The following KCNAB1 variants were observed in gnomAD, a reference collection of about 807,000 sequenced individuals.
The protein encoded by KCNAB1 is potassium voltage-gated channel subfamily A regulatory beta subunit 1, also known as voltage-gated potassium channel subunit beta-1.
In KCNAB1, 35 loss-of-function variants were observed where a neutral mutation model predicts 64.6. The observed-to-expected ratio is 0.54, with a 90% CI of 0.41 to 0.72. The LOEUF is 0.72. Among genes scored for constraint, KCNAB1 ranks in the 30% least tolerant of loss-of-function variants. The pLI is 0.00. For missense variants in KCNAB1, 401 were observed against 512.9 expected (o/e 0.78, Z 2.11); for synonymous variants, 177 against 183.8 (o/e 0.96, Z 0.30).
chr3:156,354,120 GTATATATATA>G (rs34730584), intron 1 of KCNAB1, among the ~76,000 whole-genome samples: 1 of 132,562 alleles, frequency 7.5e-6, no homozygotes, highest in Non-Finnish European at 1.6e-5. Flanking sequence ...ATGTGTGTGT[GTATATATATA>G]TATATATATA....
At chr3:156,428,963 C>T (rs1377032692) in intron 2 of KCNAB1, among the ~76,000 whole-genome samples, 2 of 152,318 alleles carry the variant, frequency 1.3e-5, no homozygotes, top group Non-Finnish European at 1.5e-5. Flanking sequence ...CTTCATGCTT[C>T]GTCCTTGAAG....
At chr3:156,530,474 C>T (rs13083246) in intron 12 of KCNAB1, among the ~76,000 whole-genome samples, 15,767 of 152,080 alleles carry the variant, frequency 0.1, 880 homozygotes, top group Non-Finnish European at 0.12. Flanking sequence ...AGGTCATTTT[C>T]GGGAAAAGAA....
At chr3:156,145,392 G>A (rs1233707224) in intron 1 of KCNAB1, among the ~76,000 whole-genome samples, 1 of 151,994 alleles carries the variant, frequency 6.6e-6, no homozygotes, top group Non-Finnish European at 1.5e-5. Flanking sequence ...CTCGCTTACT[G>A]CCCTTATTTA....
At chr3:156,243,317 TG>T (rs1225343351) in intron 1 of KCNAB1, among the ~76,000 whole-genome samples, 8 of 152,176 alleles carry the variant, frequency 5.3e-5, no homozygotes, top group Non-Finnish European at 1.0e-4. Context: ...CCCCACCTCC[TG>T]GGTTCAAGCA....
intron 1 of KCNAB1, among the ~76,000 whole-genome samples, chr3:156,160,754 G>A (rs748763812): frequency 3.5e-4 from 53 of 152,214 alleles, no homozygotes; most frequent in Non-Finnish European, 7.4e-4. Flanking sequence ...AAGAGACATT[G>A]GGGAAGTTAA....
At chr3:156,285,863 T>C (rs1249075380) in intron 1 of KCNAB1, among the ~76,000 whole-genome samples, 1 of 152,240 alleles carries the variant, frequency 6.6e-6, no homozygotes, top group African/African-American at 2.4e-5. Context: ...GCCTTGAGCA[T>C]ATAAAGTGTT....
intron 1 of KCNAB1, among the ~76,000 whole-genome samples, chr3:156,201,379 T>A (rs1177589230): frequency 2.0e-5 from 3 of 152,118 alleles, no homozygotes; most frequent in Admixed American, 6.5e-5. Flanking sequence ...TACCCTATCC[T>A]CCCCACCCCA....
chr3:156,231,256 G>T (rs1212697040), intron 1 of KCNAB1, among the ~76,000 whole-genome samples: 1 of 152,076 alleles, frequency 6.6e-6, no homozygotes, highest in African/African-American at 2.4e-5. Context: ...TCTATCTAAG[G>T]GGTCTGGGGA....
At chr3:156,251,853 T>C (rs1459811525) in intron 1 of KCNAB1, among the ~76,000 whole-genome samples, 1 of 152,210 alleles carries the variant, frequency 6.6e-6, no homozygotes, top group Non-Finnish European at 1.5e-5. Context: ...TAAAGATTTA[T>C]AGTTTTCCTG....
At chr3:156,489,431 G>T (rs1177826143) in intron 8 of KCNAB1, among the ~76,000 whole-genome samples, 1 of 151,340 alleles carries the variant, frequency 6.6e-6, no homozygotes, top group Non-Finnish European at 1.5e-5. Flanking sequence ...AAATGTTACT[G>T]ATAGGTCAAG....
In KCNAB1 at chr3:156,245,975, A is replaced by T. The variant is rs199716795; in HGVS notation, c.275+125089A>T. 2.9e-3 allele frequency among the ~76,000 whole-genome samples: 16 copies of T among 5,552 alleles called. No individual in the cohort carries two copies. In the Admixed American group the frequency reaches 0.032, roughly 11 times the overall value. The allele number at this position is 5,552 out of a possible 152,430, so 3.6% of individuals were successfully genotyped here. A position where few individuals can be genotyped will look rare whatever the true frequency, so the allele number is the denominator to read the frequency against. ...ATAGGTTATTTTAATCAATATTGGTAAAAAAAAAAAGACTAACAGCATTTA... is the reference window on the plus strand; with the variant it reads ...ATAGGTTATTTTAATCAATATTGGTTAAAAAAAAAAGACTAACAGCATTTA... On this transcript the variant is annotated intron_variant, in intron 1 of 13. Transcript: ENST00000490337.
chr3:156,472,015 G>C (rs11925535), intron 7 of KCNAB1, among the ~76,000 whole-genome samples: 1 of 151,858 alleles, frequency 6.6e-6, no homozygotes, highest in Non-Finnish European at 1.5e-5. Context: ...CCTGTGCCTC[G>C]CCTCCTCTGA....
At chr3:156,434,150 A>C (rs1208658984) in intron 2 of KCNAB1, among the ~76,000 whole-genome samples, 1 of 152,230 alleles carries the variant, frequency 6.6e-6, no homozygotes, top group Non-Finnish European at 1.5e-5. Flanking sequence ...CACTGAAGCC[A>C]TGTCACAAAG....
intron 1 of KCNAB1, among the ~76,000 whole-genome samples, chr3:156,324,731 T>C (rs1722864063): frequency 6.6e-6 from 1 of 152,088 alleles, no homozygotes; most frequent in Non-Finnish European, 1.5e-5. Flanking sequence ...TATCACAATA[T>C]CACTCATTCA....
chr3:156,125,062 G>A (rs1328787000), intron 1 of KCNAB1, among the ~76,000 whole-genome samples: 2 of 151,676 alleles, frequency 1.3e-5, no homozygotes, highest in African/African-American at 2.4e-5. Flanking sequence ...TGCTTGAACC[G>A]AGGAGGCAGA....
intron 1 of KCNAB1, among the ~76,000 whole-genome samples, chr3:156,130,171 T>C (rs908399394): frequency 2.0e-5 from 3 of 152,340 alleles, no homozygotes; most frequent in African/African-American, 2.4e-5. Flanking sequence ...TATGTGAAAA[T>C]GCTCTGTATG....
chr3:156,361,609 G>A (rs1178214846), intron 1 of KCNAB1, among the ~76,000 whole-genome samples: 1 of 152,212 alleles, frequency 6.6e-6, no homozygotes, highest in Non-Finnish European at 1.5e-5. Context: ...GCCTGGCACA[G>A]AAAAGGCTCT....
chr3:156,484,312 A>G (rs1296767228), intron 8 of KCNAB1, among the ~76,000 whole-genome samples: 1 of 152,148 alleles, frequency 6.6e-6, no homozygotes, highest in Non-Finnish European at 1.5e-5. Flanking sequence ...CCAAGCTCCA[A>G]AAGGATGCTT....
At chr3:156,238,849 G>A (rs1717006478) in intron 1 of KCNAB1, among the ~76,000 whole-genome samples, 1 of 152,188 alleles carries the variant, frequency 6.6e-6, no homozygotes, top group Admixed American at 6.5e-5. Context: ...CTGTAAACCA[G>A]CTAGCTGACA....
Sources: allele counts gnomAD v4.1 joint callset (sites outside exome capture counted in the v4.1 genomes callset), GRCh38; gene constraint gnomAD v4.1.1; transcripts MANE v1.5; gene names NCBI Gene and HGNC (gene_info 2026-07-23, HGNC 2026-07-21).